GRIK2: variants seen among roughly 807,000 people sequenced by gnomAD.
GRIK2 encodes the protein glutamate receptor ionotropic, kainate 2.
A neutral mutation model predicts 100.3 loss-of-function variants in GRIK2; 32 were observed. That is an observed-to-expected ratio of 0.32 (90% CI 0.24 to 0.43). GRIK2 has a LOEUF of 0.43. Ranked by LOEUF, GRIK2 falls within the 20% of genes least tolerant of loss-of-function variation. GRIK2 has a pLI of 1.00. For synonymous variants in GRIK2, 417 were observed against 389.4 expected (o/e 1.07, Z -0.83); for missense variants, 843 against 1,114.9 (o/e 0.76, Z 3.47).
At chr6:101,836,238 G>C (rs1234249510) in intron 10 of GRIK2, among the ~76,000 whole-genome samples, 1 of 151,778 alleles carries the variant, frequency 6.6e-6, no homozygotes, top group Non-Finnish European at 1.5e-5. Context: ...ATATACTCTT[G>C]TGTATAGAAT....
At chr6:101,862,882 G>A (rs1431619922) in intron 11 of GRIK2, among the ~76,000 whole-genome samples, 1 of 152,078 alleles carries the variant, frequency 6.6e-6, no homozygotes, top group East Asian at 1.9e-4. Context: ...AGTCCTAGCA[G>A]ATTTTCCATT....
intron 14 of GRIK2, 106 bp downstream of exon 14, chr6:101,928,738 T>A: frequency 1.5e-6 from 1 of 667,720 alleles, no homozygotes; most frequent in Non-Finnish European, 2.7e-6. Flanking sequence ...TTGTGCACAA[T>A]TCTTAATAAT....
At chr6:101,834,026 A>G (rs1025721546) in intron 10 of GRIK2, among the ~76,000 whole-genome samples, 7 of 152,084 alleles carry the variant, frequency 4.6e-5, no homozygotes, top group African/African-American at 1.7e-4. Flanking sequence ...GAAATGCTTC[A>G]GTAGCTTTCA....
chr6:101,881,919 C>T (rs1010838600), intron 11 of GRIK2, among the ~76,000 whole-genome samples: 5 of 151,968 alleles, frequency 3.3e-5, no homozygotes, highest in African/African-American at 1.2e-4. Flanking sequence ...TAAAGACATA[C>T]CTGAGACTGG....
intron 14 of GRIK2, among the ~76,000 whole-genome samples, chr6:101,970,901 A>G (rs951840711): frequency 6.6e-6 from 1 of 150,770 alleles, no homozygotes; most frequent in Non-Finnish European, 1.5e-5. Context: ...GCATATCCAA[A>G]TGATACAAAT....
intron 7 of GRIK2, among the ~76,000 whole-genome samples, chr6:101,743,482 A>T (rs966583412): frequency 2.6e-5 from 4 of 152,194 alleles, no homozygotes; most frequent in Non-Finnish European, 4.4e-5. Flanking sequence ...TTCTATATGG[A>T]AACTTATTTA....
intron 4 of GRIK2, among the ~76,000 whole-genome samples, chr6:101,630,429 T>G (rs74819578): frequency 6.6e-6 from 1 of 152,154 alleles, no homozygotes; most frequent in Non-Finnish European, 1.5e-5. Flanking sequence ...TGGTATCTCA[T>G]TGAGGTTTTG....
chr6:101,635,377 CG>C, intron 4 of GRIK2, among the ~76,000 whole-genome samples: 1 of 151,978 alleles, frequency 6.6e-6, no homozygotes, highest in Admixed American at 6.6e-5. Flanking sequence ...AAGACTTAAA[CG>C]TAAGACCAAA....
chr6:101,462,401 G>A (rs1386782333), intron 2 of GRIK2, among the ~76,000 whole-genome samples: 2 of 152,146 alleles, frequency 1.3e-5, no homozygotes, highest in Non-Finnish European at 2.9e-5. Flanking sequence ...TAATAGGGCA[G>A]AATGTCCCTT....
chr6:101,790,603 G>T (rs373046651), intron 7 of GRIK2, among the ~76,000 whole-genome samples: 6,352 of 145,492 alleles, frequency 0.044, 150 homozygotes, highest in Non-Finnish European at 0.055. Context: ...GCTGGATTCG[G>T]TTTGCCAGTA....
intron 2 of GRIK2, among the ~76,000 whole-genome samples, chr6:101,595,714 GTGTGTA>G (rs1427896595): frequency 3.1e-5 from 4 of 129,618 alleles, no homozygotes; most frequent in African/African-American, 1.2e-4. Context: ...GTGTGTGTGT[GTGTGTA>G]TATATATATA....
At chr6:101,791,382 T>C (rs1457169075) in intron 7 of GRIK2, among the ~76,000 whole-genome samples, 1 of 152,180 alleles carries the variant, frequency 6.6e-6, no homozygotes, top group African/African-American at 2.4e-5. Flanking sequence ...GCTTTGAATG[T>C]GTCCCAGCGA....
intron 2 of GRIK2, among the ~76,000 whole-genome samples, chr6:101,593,626 G>A (rs1213773067): frequency 6.6e-6 from 1 of 151,848 alleles, no homozygotes; most frequent in African/African-American, 2.4e-5. Flanking sequence ...GCAGTCAACA[G>A]ATTTTAGTAG....
At chr6:101,738,149 A>T (rs942021986) in intron 7 of GRIK2, among the ~76,000 whole-genome samples, 1 of 133,092 alleles carries the variant, frequency 7.5e-6, no homozygotes. Context: ...CAATTGACAC[A>T]TTAAATGTCA....
intron 2 of GRIK2, among the ~76,000 whole-genome samples, chr6:101,560,512 A>G (rs1020654179): frequency 1.3e-5 from 2 of 152,234 alleles, no homozygotes; most frequent in Middle Eastern, 3.4e-3. Flanking sequence ...CAGTCTTGCC[A>G]TCTTACAACT....
At chr6:101,555,321 T>G (rs887939662) in intron 2 of GRIK2, among the ~76,000 whole-genome samples, 2 of 152,164 alleles carry the variant, frequency 1.3e-5, no homozygotes, top group African/African-American at 2.4e-5. Context: ...TCTGTTGTAA[T>G]TATAGGGTCG....
chr6:101,956,953 C>T (rs1007154574), intron 14 of GRIK2, among the ~76,000 whole-genome samples: 1 of 151,352 alleles, frequency 6.6e-6, no homozygotes, highest in Non-Finnish European at 1.5e-5. Context: ...CTGTGACAAA[C>T]ATGTAAGTTC....
chr6:101,458,181 C>T (rs1159953314), intron 2 of GRIK2, among the ~76,000 whole-genome samples: 1 of 151,274 alleles, frequency 6.6e-6, no homozygotes, highest in Non-Finnish European at 1.5e-5. Flanking sequence ...TTTTTTCCTT[C>T]TGAGAAGGGA....
chr6:101,714,908 A>G (rs1263994581), intron 7 of GRIK2, among the ~76,000 whole-genome samples: 1 of 151,804 alleles, frequency 6.6e-6, no homozygotes, highest in Non-Finnish European at 1.5e-5. Context: ...TCCAGTTTAA[A>G]TGATAATTAT....
Sources: gnomAD v4.1 joint callset for allele counts (sites outside exome capture counted in the v4.1 genomes callset) on GRCh38, gnomAD v4.1.1 for gene constraint, MANE v1.5 for transcripts, NCBI Gene and HGNC (gene_info 2026-07-23, HGNC 2026-07-21) for gene names.